PPP1R12C: variants seen among roughly 807,000 people sequenced by gnomAD.
PPP1R12C encodes the protein protein phosphatase 1 regulatory subunit 12C.
A neutral mutation model predicts 95.6 loss-of-function variants in PPP1R12C; 48 were observed. That is an observed-to-expected ratio of 0.50 (90% confidence interval 0.40 to 0.64). The LOEUF (loss-of-function observed/expected upper bound fraction) is 0.64. Ranked by LOEUF, PPP1R12C falls within the 30% of genes least tolerant of loss-of-function variation. PPP1R12C has a pLI of 0.00. For synonymous variants in PPP1R12C, 480 were observed against 460.8 expected (o/e 1.04, Z -0.53); for missense variants, 1,057 against 1,083.3 (o/e 0.98, Z 0.34).
At chr19:55,102,048 T>C (rs2084985133) in intron 4 of PPP1R12C, among the ~76,000 whole-genome samples, 1 of 150,808 alleles carries the variant, frequency 6.6e-6, no homozygotes, top group Admixed American at 6.6e-5. Flanking sequence ...AATAATAAAG[T>C]ATATGATCAC....
intron 3 of PPP1R12C, among the ~76,000 whole-genome samples, chr19:55,111,058 T>C (rs1475624500): frequency 6.7e-6 from 1 of 149,080 alleles, no homozygotes; most frequent in African/African-American, 2.5e-5. Flanking sequence ...TAAAAGCTGA[T>C]GATTCTATAC....
intron 3 of PPP1R12C, among the ~76,000 whole-genome samples, chr19:55,108,041 T>A (rs1460362999): frequency 1.3e-5 from 2 of 150,098 alleles, no homozygotes; most frequent in African/African-American, 4.9e-5. Flanking sequence ...GTTCAAGCAA[T>A]TCTCCTGCCT....
chr19:55,092,362 G>A, intron 18 of PPP1R12C, 36 bp from the exon 19 acceptor site: 1 of 1,573,508 alleles, frequency 6.4e-7, no homozygotes, highest in East Asian at 2.3e-5. Flanking sequence ...GGTGGAGGAT[G>A]GGGCGATGCT....
rs1355260140 is a variant in PPP1R12C at position 55,099,108 on chromosome 19, G to A, written c.732-13C>T. ...CTGAAGGAGCAACCTGGGGGCCAGG[G>A]AGGCTCAGGGTCAGAGGCCAAGGCG... On this transcript the variant is annotated splice_polypyrimidine_tract_variant and intron_variant, in intron 4 of 21. Coordinates refer to ENST00000263433, the MANE Select transcript of PPP1R12C (RefSeq NM_017607.4). 1.8e-5 allele frequency: 28 copies of A among 1,519,708 alleles called. No homozygotes were observed. The highest frequency in any genetic ancestry group is 2.2e-5 in the Admixed American group (1 of 45,676). The allele number at this position is 1,519,708 out of a possible 1,614,324, so 94.1% of individuals were successfully genotyped here.
At chr19:55,105,843 GAGATGGA>G (rs943568529) in intron 3 of PPP1R12C, among the ~76,000 whole-genome samples, 10 of 151,938 alleles carry the variant, frequency 6.6e-5, no homozygotes, top group African/African-American at 2.2e-4. Flanking sequence ...TTGGGAGGCT[GAGATGGA>G]AGGATCACTT....
chr19:55,096,238 C>T, intron 7 of PPP1R12C, 24 bp downstream of exon 7: 1 of 1,613,904 alleles, frequency 6.2e-7, no homozygotes, highest in South Asian at 1.1e-5. Flanking sequence ...ACCCCGCCAG[C>T]CCTGGACTCC....
chr19:55,101,377 G>T (rs941550777), intron 4 of PPP1R12C, among the ~76,000 whole-genome samples: 10 of 152,186 alleles, frequency 6.6e-5, no homozygotes, highest in African/African-American at 2.4e-4. Context: ...CACGAATATG[G>T]ATTCCATTTC....
chr19:55,092,123 C>A, intron 19 of PPP1R12C, 99 bp downstream of exon 19: 1 of 1,216,634 alleles, frequency 8.2e-7, no homozygotes, highest in Non-Finnish European at 1.1e-6. Flanking sequence ...TGAAGCCCAG[C>A]CCCGCCGGCA....
intron 1 of PPP1R12C, chr19:55,113,570 G>A: frequency 7.6e-7 from 1 of 1,314,072 alleles, no homozygotes; most frequent in South Asian, 2.0e-5. Context: ...CCCAGGCCTT[G>A]TGGACACTGG....
At chr19:55,094,922 T>TA in intron 11 of PPP1R12C, 124 bp from the exon 12 acceptor site, 1 of 1,168,816 alleles carries the variant, frequency 8.6e-7, no homozygotes. Context: ...TGAGCAGAAA[T>TA]ACACAAAACC....
At chr19:55,092,128 C>T in intron 19 of PPP1R12C, 94 bp downstream of exon 19, 1 of 1,247,118 alleles carries the variant, frequency 8.0e-7, no homozygotes, top group Non-Finnish European at 1.1e-6. Flanking sequence ...CCCAGCCCCG[C>T]CGGCACCCCC....
rs1679348791 is a variant in PPP1R12C, at chr19:55,092,344, G to A, written c.2056-18C>T. ...GCATACAGCTGGGGGTCAGGTAGAG[G>A]AGGGTCAGGTGGAGGATGGGGCGAT... On this transcript the variant is annotated intron_variant, in intron 18 of 21. Transcript: ENST00000263433. 6 of 1,582,122 alleles carry A rather than the reference G, an allele frequency of 3.8e-6. No homozygotes were observed. Among genetic ancestry groups the A allele is most frequent in the Non-Finnish European group, 4.3e-6 (5 of 1,163,486 alleles).
intron 1 of PPP1R12C, chr19:55,113,377 G>A (rs988132082): frequency 1.9e-5 from 28 of 1,438,500 alleles, no homozygotes; most frequent in African/African-American, 5.8e-5. Flanking sequence ...CCAGAGGGGT[G>A]AGACAGCTGC....
intron 1 of PPP1R12C, chr19:55,113,322 A>G: frequency 8.7e-7 from 1 of 1,149,012 alleles, no homozygotes; most frequent in Non-Finnish European, 1.2e-6. Flanking sequence ...GGGTGGAGGA[A>G]GGCCACCCTG....
At chr19:55,094,491 T>C (rs1324477119) in intron 12 of PPP1R12C, 56 bp from the exon 13 acceptor site, 22 of 1,606,434 alleles carry the variant, frequency 1.4e-5, no homozygotes, top group Non-Finnish European at 1.8e-5. Flanking sequence ...TCCCATTCCG[T>C]GGCTGACACC....
chr19:55,117,442 G>A lies in PPP1R12C; in HGVS notation c.102C>T (p.Gly34=), dbSNP rs1294578871. The A allele has an allele frequency of 2.0e-6, 2 of 996,296 alleles. No individual in the cohort carries two copies. Among genetic ancestry groups the A allele is most frequent in the Admixed American group, 6.1e-5 (1 of 16,282 alleles). 61.7% of individuals were successfully genotyped at this position (996,296 alleles called of 1,614,324 possible). The change falls in exon 1 of 22, where the codon GGC becomes GGT. Residue 34 remains glycine (G), a synonymous_variant. Coordinates refer to ENST00000263433, the MANE Select transcript of PPP1R12C (RefSeq NM_017607.4). ...EQLRQWGARA[G]AEPGPGERRA... ...GGCGCTCTCCGGGGCCAGGCTCGGC[G>A]CCCGCCCGCGCCCCCCACTGCCGCA...
At chr19:55,114,748 GA>G (rs1364382422) in intron 1 of PPP1R12C, 2 of 152,252 alleles carry the variant, frequency 1.3e-5, no homozygotes, top group Non-Finnish European at 2.9e-5. Context: ...CCCGAAGAGT[GA>G]GTTTGCCAAG....
In PPP1R12C at chr19:55,096,323, T is replaced by C. The variant is rs766036107; in HGVS notation, c.964A>G (p.Lys322Glu). The change falls in exon 7 of 22, where the codon AAA becomes GAA. Residue 322 changes from lysine to glutamate, a missense_variant. Around this residue, in one of 5 missense-constraint regions of PPP1R12C, gnomAD observed 356 missense variants for 330.5 expected, o/e 1.08. Transcript: ENST00000263433. ...ARKQEDLRNQ[K>E]EASQSRGQEP... The stretch of plus-strand genomic sequence containing the variant: ...TGGCCCCGGCTCTGGGAAGCTTCTT[T>C]TTGGTTCCGAAGCTGCAAGGAGGGA... 2 of 1,613,470 alleles carry C rather than the reference T, an allele frequency of 1.2e-6. No individual in the cohort carries two copies. The highest frequency in any genetic ancestry group is 8.5e-7 in the Non-Finnish European group (1 of 1,179,866).
At chr19:55,091,611 C>A in intron 21 of PPP1R12C, 39 bp downstream of exon 21, 1 of 1,595,834 alleles carries the variant, frequency 6.3e-7, no homozygotes, top group Non-Finnish European at 8.6e-7. Flanking sequence ...CACCCCCACC[C>A]ACCCTCGGCC....
Sources: gnomAD v4.1 joint callset for allele counts (sites outside exome capture counted in the v4.1 genomes callset) on GRCh38, gnomAD v4.1.1 for gene constraint, gnomAD v4.1.1 regional missense constraint, MANE v1.5 for transcripts, NCBI Gene and HGNC (gene_info 2026-07-23, HGNC 2026-07-21) for gene names.